ZMYM2: variants seen among roughly 807,000 people sequenced by gnomAD.
ZMYM2 encodes zinc finger MYM-type containing 2.
Under a neutral mutation model 162.8 loss-of-function variants are expected in ZMYM2, and 56 were observed. That is an observed-to-expected ratio of 0.34 (90% CI 0.28 to 0.43). The LOEUF (loss-of-function observed/expected upper bound fraction) is 0.43, where lower values mean the gene tolerates loss of function less well. Ranked by LOEUF, ZMYM2 falls within the 20% of genes least tolerant of loss-of-function variation. The pLI, the probability that ZMYM2 is intolerant of heterozygous loss-of-function variation, is 1.00. For missense variants in ZMYM2, 1,275 were observed against 1,621.8 expected, an observed-to-expected ratio of 0.79 and a Z score of 3.67; for synonymous variants, 510 against 541.6, an observed-to-expected ratio of 0.94 and a Z score of 0.81.
At chr13:19,881,146 C>G in the ZMYM2 span, among the ~76,000 whole-genome samples, 1 of 152,046 alleles carries the variant, frequency 6.6e-6, no homozygotes, top group Non-Finnish European at 1.5e-5. Context: ...CTCAGCCTCC[C>G]AAAGTGCTGG....
intron 6 of ZMYM2, among the ~76,000 whole-genome samples, chr13:20,006,823 TATA>T (rs1288876979): frequency 6.6e-6 from 1 of 152,224 alleles, no homozygotes; most frequent in Non-Finnish European, 1.5e-5. Context: ...ATTTCCGTGA[TATA>T]ATGATGGAGT....
intron 12 of ZMYM2, among the ~76,000 whole-genome samples, chr13:20,043,862 A>C (rs1954513003): frequency 1.3e-5 from 2 of 151,776 alleles, no homozygotes; most frequent in African/African-American, 4.8e-5. Flanking sequence ...GTGGGGAGGG[A>C]ATGGGTGGCA....
chr13:19,886,619 A>T, the ZMYM2 span, among the ~76,000 whole-genome samples: 3 of 151,394 alleles, frequency 2.0e-5, no homozygotes, highest in Non-Finnish European at 4.4e-5. Context: ...TGTCTATAGA[A>T]TTTCACTCAG....
chr13:20,058,734 T>TC, intron 15 of ZMYM2, 30 bp downstream of exon 15: 1 of 1,610,048 alleles, frequency 6.2e-7, no homozygotes, highest in Middle Eastern at 1.7e-4. Context: ...CTTACATACT[T>TC]CCCCATACCT....
chr13:19,968,226 C>T (rs940111645), intron 2 of ZMYM2, among the ~76,000 whole-genome samples: 1 of 152,102 alleles, frequency 6.6e-6, no homozygotes, highest in African/African-American at 2.4e-5. Context: ...ATGACCACCT[C>T]CTTCACTTCC....
the ZMYM2 span, among the ~76,000 whole-genome samples, chr13:19,890,505 T>TAAAAAAAAAAAAAAAA: frequency 2.4e-4 from 24 of 98,442 alleles, no homozygotes; most frequent in African/African-American, 6.9e-4. Context: ...AGTGCTTTTG[T>TAAAAAAAAAAAAAAAA]AAAAAAAAAA....
chr13:19,999,188 C>T (rs1033061345), intron 3 of ZMYM2, among the ~76,000 whole-genome samples: 1 of 152,202 alleles, frequency 6.6e-6, no homozygotes, highest in African/African-American at 2.4e-5. Flanking sequence ...TTGGATTGGT[C>T]AGTACAGGCA....
At chr13:19,863,868 C>G in the ZMYM2 span, 2 of 152,360 alleles carry the variant, frequency 1.3e-5, no homozygotes, top group East Asian at 1.9e-4. Flanking sequence ...CAGCCCTCAA[C>G]TCCCGGTCGG....
At chr13:19,870,580 T>TTTCCTTCCTTCC in the ZMYM2 span, among the ~76,000 whole-genome samples, 1,114 of 132,136 alleles carry the variant, frequency 8.4e-3, 17 homozygotes, top group African/African-American at 0.03. Flanking sequence ...CCTTCTTTCC[T>TTTCCTTCCTTCC]TTCCTTCCTT....
intron 19 of ZMYM2, among the ~76,000 whole-genome samples, chr13:20,064,975 T>C (rs753236465): frequency 2.6e-5 from 4 of 152,100 alleles, no homozygotes; most frequent in Non-Finnish European, 5.9e-5. Context: ...CACGATTATT[T>C]CTGATGAGAT....
At chr13:20,018,517 A>G (rs182793578) in intron 6 of ZMYM2, among the ~76,000 whole-genome samples, 1 of 152,234 alleles carries the variant, frequency 6.6e-6, no homozygotes, top group Non-Finnish European at 1.5e-5. Flanking sequence ...TGTCTGTTAT[A>G]TTTAACTTAG....
chr13:20,044,714 C>A (rs1954598049), intron 12 of ZMYM2, among the ~76,000 whole-genome samples: 1 of 152,056 alleles, frequency 6.6e-6, no homozygotes, highest in Admixed American at 6.6e-5. Context: ...ACATGGAAAA[C>A]CATCTCAATG....
the ZMYM2 span, among the ~76,000 whole-genome samples, chr13:19,928,283 G>A: frequency 6.6e-6 from 1 of 152,152 alleles, no homozygotes; most frequent in East Asian, 1.9e-4. Context: ...GATTATAGGC[G>A]TGAGCTAATG....
At chr13:19,971,226 A>ATGTGTGTG (rs1402220919) in intron 2 of ZMYM2, among the ~76,000 whole-genome samples, 1 of 68,962 alleles carries the variant, frequency 1.5e-5, no homozygotes, top group Non-Finnish European at 2.9e-5. Context: ...TAGTTTATAT[A>ATGTGTGTG]TATGTGTGTG....
chr13:19,924,192 C>A, the ZMYM2 span, among the ~76,000 whole-genome samples: 2 of 152,174 alleles, frequency 1.3e-5, no homozygotes, highest in Non-Finnish European at 2.9e-5. Context: ...CTCCCTTCAG[C>A]TCCTGGTTAT....
the ZMYM2 span, among the ~76,000 whole-genome samples, chr13:19,885,921 A>G: frequency 0.021 from 949 of 45,868 alleles, 377 homozygotes; most frequent in East Asian, 0.19. Context: ...ATATACACAT[A>G]TATATGTGTA....
At chr13:19,996,879 AT>A (rs1162954833) in intron 3 of ZMYM2, among the ~76,000 whole-genome samples, 24 of 152,144 alleles carry the variant, frequency 1.6e-4, no homozygotes, top group Non-Finnish European at 1.5e-5. Flanking sequence ...AGAGTGAGAC[AT>A]TGTCTAAAAC....
At chr13:19,937,387 C>T in the ZMYM2 span, among the ~76,000 whole-genome samples, 6 of 151,528 alleles carry the variant, frequency 4.0e-5, no homozygotes, top group Non-Finnish European at 7.4e-5. Flanking sequence ...ATCCGCCCGC[C>T]TCAGCCTCCC....
chr13:20,003,295 TTTAGA>T lies in ZMYM2; in HGVS notation c.1133+162_1133+166del, dbSNP rs576266908. ...CCTGTTTGGATGGCATTGGAGTTGA[TTTAGA>T]TAGGTCCTTATAATTAATTTTGTCT... On this transcript the variant is annotated intron_variant, in intron 4 of 24. Coordinates refer to ENST00000610343, the MANE Select transcript of ZMYM2 (RefSeq NM_197968.4). Among the ~76,000 whole-genome samples the T allele has an allele frequency of 2.0e-5, 3 of 152,310 alleles. No homozygotes were observed. In the South Asian group the frequency reaches 6.2e-4, roughly 32 times the overall value.
Sources: allele counts gnomAD v4.1 joint callset (sites outside exome capture counted in the v4.1 genomes callset), GRCh38; gene constraint gnomAD v4.1.1; transcripts MANE v1.5; gene names NCBI Gene and HGNC (gene_info 2026-07-23, HGNC 2026-07-21).